NOX4: variants seen among roughly 807,000 people sequenced by gnomAD.
NOX4 encodes NADPH oxidase 4.
A neutral mutation model predicts 87.6 loss-of-function variants in NOX4; 69 were observed. The observed-to-expected ratio is 0.79, with a 90% CI of 0.65 to 0.96. NOX4 has a LOEUF of 0.96. NOX4 is among the 40% of genes least tolerant of loss of function. The probability of loss-of-function intolerance (pLI) is 0.00; values close to 1 mark genes in which losing one functional copy is unlikely to be tolerated. For missense variants in NOX4, 680 were observed against 681.5 expected, an observed-to-expected ratio of 1.00 and a Z score of 0.02; for synonymous variants, 275 against 238.2, an observed-to-expected ratio of 1.15 and a Z score of -1.42.
chr11:89,382,433 TAA>T (rs140503172), intron 11 of NOX4, among the ~76,000 whole-genome samples: 5,249 of 152,140 alleles, frequency 0.035, 173 homozygotes, highest in East Asian at 0.13. Flanking sequence ...ATTTTTGTCG[TAA>T]AATGGGCAAA....
intron 8 of NOX4, among the ~76,000 whole-genome samples, chr11:89,421,407 T>C (rs1841489586): frequency 6.6e-6 from 1 of 151,824 alleles, no homozygotes; most frequent in Non-Finnish European, 1.5e-5. Context: ...TTTCACTTTA[T>C]GTTTTTTTTC....
At chr11:89,376,404 G>A (rs1386359204) in intron 11 of NOX4, among the ~76,000 whole-genome samples, 2 of 152,136 alleles carry the variant, frequency 1.3e-5, no homozygotes, top group South Asian at 2.1e-4. Context: ...TCACATTGTG[G>A]TGATTCATTG....
At chr11:89,486,720 A>G (rs928303739) in intron 2 of NOX4, among the ~76,000 whole-genome samples, 2 of 145,382 alleles carry the variant, frequency 1.4e-5, no homozygotes, top group Non-Finnish European at 1.5e-5. Context: ...ATATATGTGT[A>G]TATATATGTA....
chr11:89,564,446 A>G, the NOX4 span, among the ~76,000 whole-genome samples: 3 of 152,240 alleles, frequency 2.0e-5, no homozygotes, highest in South Asian at 4.2e-4. Flanking sequence ...AGCAAGGGGG[A>G]AAATTCGGCC....
At chr11:89,418,087 TACA>T (rs1413337363) in intron 8 of NOX4, among the ~76,000 whole-genome samples, 1 of 151,958 alleles carries the variant, frequency 6.6e-6, no homozygotes, top group African/African-American at 2.4e-5. Flanking sequence ...CGCTAAAATA[TACA>T]ACAAGAATGA....
At chr11:89,462,567 A>T (rs78985395) in intron 2 of NOX4, among the ~76,000 whole-genome samples, 3,388 of 152,198 alleles carry the variant, frequency 0.022, 128 homozygotes, top group African/African-American at 0.077. Flanking sequence ...AGTATCAATT[A>T]TACATATATA....
At chr11:89,378,171 G>A (rs1417554563) in intron 11 of NOX4, among the ~76,000 whole-genome samples, 6 of 152,032 alleles carry the variant, frequency 3.9e-5, no homozygotes, top group African/African-American at 1.4e-4. Context: ...ATTGCCTATG[G>A]CCAAGCACAT....
At chr11:89,500,882 GTTA>G (rs1220829766), upstream of NOX4, among the ~76,000 whole-genome samples, 5 of 152,072 alleles carry the variant, frequency 3.3e-5, no homozygotes, top group African/African-American at 9.7e-5. Context: ...ATTATAGCCT[GTTA>G]TTATAGAAAT....
chr11:89,368,929 T>TAAAAAG (rs1939225784), intron 12 of NOX4, among the ~76,000 whole-genome samples: 1 of 152,100 alleles, frequency 6.6e-6, no homozygotes, highest in Non-Finnish European at 1.5e-5. Flanking sequence ...TCTTAAACTT[T>TAAAAAG]TTAAAGATAT....
At chr11:89,350,763 CT>C (rs985545903) in intron 13 of NOX4, among the ~76,000 whole-genome samples, 5 of 152,234 alleles carry the variant, frequency 3.3e-5, no homozygotes, top group Admixed American at 6.5e-5. Context: ...GCTACAAATT[CT>C]TTGACTTTCA....
the NOX4 span, among the ~76,000 whole-genome samples, chr11:89,549,958 T>G: frequency 6.6e-6 from 1 of 152,338 alleles, no homozygotes; most frequent in South Asian, 2.1e-4. Flanking sequence ...GCAATAAACA[T>G]ATGTGTGTAT....
At chr11:89,371,052 T>C (rs1019260407) in intron 12 of NOX4, among the ~76,000 whole-genome samples, 16 of 152,072 alleles carry the variant, frequency 1.1e-4, no homozygotes, top group African/African-American at 3.9e-4. Context: ...TGGTATTTCC[T>C]ATACCTACTG....
chr11:89,404,539 C>A (rs317131), intron 8 of NOX4, among the ~76,000 whole-genome samples: 3,144 of 152,160 alleles, frequency 0.021, 107 homozygotes, highest in African/African-American at 0.072. Context: ...AGGTCTAGCC[C>A]AGGGAAATGT....
chr11:89,383,728 A>T (rs1401075969), intron 11 of NOX4, among the ~76,000 whole-genome samples: 1 of 152,088 alleles, frequency 6.6e-6, no homozygotes, highest in Non-Finnish European at 1.5e-5. Context: ...CCACCTGCCC[A>T]GCTCCCTTAT....
At chr11:89,475,898 C>T (rs1946145487) in intron 2 of NOX4, among the ~76,000 whole-genome samples, 1 of 152,030 alleles carries the variant, frequency 6.6e-6, no homozygotes, top group African/African-American at 2.4e-5. Flanking sequence ...ATCATATTTC[C>T]ATACTATATT....
the NOX4 span, among the ~76,000 whole-genome samples, chr11:89,584,656 T>C: frequency 6.6e-6 from 1 of 152,168 alleles, no homozygotes; most frequent in East Asian, 1.9e-4. Context: ...ATGAATATTT[T>C]ATATTCTAAA....
chr11:89,414,330 G>A (rs1942645446), intron 8 of NOX4, among the ~76,000 whole-genome samples: 1 of 151,878 alleles, frequency 6.6e-6, no homozygotes, highest in African/African-American at 2.4e-5. Flanking sequence ...TAACTGGATG[G>A]GTAATCTAAT....
At chr11:89,494,714 A>C (rs1475467907), upstream of NOX4, among the ~76,000 whole-genome samples, 1 of 152,228 alleles carries the variant, frequency 6.6e-6, no homozygotes, top group Non-Finnish European at 1.5e-5. Flanking sequence ...AGAAAAGGTA[A>C]AGAAACGGGG....
Position 89,325,901 on chromosome 11 carries a change from ATATATATATG to A in NOX4, c.*845_*854del, listed in dbSNP as rs1476829938. ...AGTATATGTGTATATATATATATAT[ATATATATATG>A]TGTGTGTGTGTGTATATATATATGT... On this transcript the variant is annotated 3_prime_UTR_variant, in exon 18 of 18. Transcript: ENST00000263317. The A allele has an allele frequency of 1.4e-4, 19 of 136,420 alleles. No individual in the cohort carries two copies. In the East Asian group the frequency reaches 1.4e-3, roughly 10 times the overall value. The allele number at this position is 136,420 out of a possible 1,614,324, so 8.5% of individuals were successfully genotyped here. A position where few individuals can be genotyped will look rare whatever the true frequency, so the allele number is the denominator to read the frequency against.
Sources: allele counts gnomAD v4.1 joint callset (sites outside exome capture counted in the v4.1 genomes callset), GRCh38; gene constraint gnomAD v4.1.1; transcripts MANE v1.5; gene names NCBI Gene and HGNC (gene_info 2026-07-23, HGNC 2026-07-21).